Variants in PCSK6 observed in about 807,000 individuals in gnomAD.
The protein encoded by PCSK6 is paired basic amino acid cleaving enzyme 4.
Under a neutral mutation model 123.3 loss-of-function variants are expected in PCSK6, and 85 were observed. That is an observed-to-expected ratio of 0.69 (90% confidence interval 0.58 to 0.83). PCSK6 has a LOEUF of 0.83. PCSK6 is among the 40% of genes least tolerant of loss of function. The pLI, the probability that PCSK6 is intolerant of heterozygous loss-of-function variation, is 0.00. For synonymous variants in PCSK6, 508 were observed against 516.0 expected, an observed-to-expected ratio of 0.98 and a Z score of 0.21; for missense variants, 1,191 against 1,282.3, an observed-to-expected ratio of 0.93 and a Z score of 1.09.
chr15:101,454,757 C>T (rs947813398), intron 1 of PCSK6, among the ~76,000 whole-genome samples: 2 of 152,078 alleles, frequency 1.3e-5, no homozygotes, highest in Admixed American at 1.3e-4. Context: ...CCAGCCTGGC[C>T]AACAGCGTGA....
At chr15:101,457,132 A>G (rs916935927) in intron 1 of PCSK6, among the ~76,000 whole-genome samples, 1 of 152,190 alleles carries the variant, frequency 6.6e-6, no homozygotes, top group South Asian at 2.1e-4. Context: ...AGATCGTGCC[A>G]CCGCACTCCA....
At chr15:101,459,664 C>T (rs1419929903) in intron 1 of PCSK6, among the ~76,000 whole-genome samples, 1 of 150,404 alleles carries the variant, frequency 6.6e-6, no homozygotes, top group East Asian at 2.0e-4. Flanking sequence ...CCTGCCCTGT[C>T]CCCTCCATCC....
At chr15:101,404,123 C>T (rs138778369) in intron 6 of PCSK6, among the ~76,000 whole-genome samples, 3 of 152,322 alleles carry the variant, frequency 2.0e-5, no homozygotes, top group Non-Finnish European at 4.4e-5. Context: ...CTGGTCTTCT[C>T]ACTGTGTTTA....
chr15:101,432,098 C>T lies in PCSK6; in HGVS notation c.405G>A (p.Val135=), dbSNP rs200981616. ...PHTFLRMDPQ[V]KWLQQQEVKR... ...TCACTTCCTGTTGCTGGAGCCATTT[C>T]ACCTACCAGAAGAAATGCAATTACT... Residue 135 remains valine, a splice_region_variant and synonymous_variant, in exon 3 of 22, where the codon GTG becomes GTA. Coordinates refer to ENST00000611716, the MANE Select transcript of PCSK6 (RefSeq NM_002570.5). 5.8e-4 allele frequency: 939 copies of T among 1,612,126 alleles called. No homozygotes were observed. The highest frequency in any genetic ancestry group is 7.2e-4 in the Non-Finnish European group (846 of 1,178,872).
chr15:101,437,660 G>A (rs1378052080), intron 2 of PCSK6, among the ~76,000 whole-genome samples: 1 of 152,192 alleles, frequency 6.6e-6, no homozygotes, highest in African/African-American at 2.4e-5. Context: ...TCGCTCTGCC[G>A]ATGACGGAAA....
In PCSK6 at chr15:101,382,174, C is replaced by T. The variant is rs748040103; in HGVS notation, c.1450G>A (p.Glu484Lys). ...TTCTTTGCCTCCACAACGAGAGCTTCTGCGTCCACCAAACCAAATCCATAG... is the reference window on the plus strand; with the variant it reads ...TTCTTTGCCTCCACAACGAGAGCTTTTGCGTCCACCAAACCAAATCCATAG... ...HFYGFGLVDA[E>K]ALVVEAKKWT... Residue 484 changes from glutamate (E) to lysine (K), a missense_variant, in exon 11 of 22, where the codon GAA becomes AAA. Physicochemically the swap from Glu to Lys is moderately conservative, Grantham distance 56 (BLOSUM62 1). Transcript: ENST00000611716. 6.2e-7 allele frequency: 1 copy of T among 1,612,938 alleles called. No individual in the cohort carries two copies. Among genetic ancestry groups the T allele is most frequent in the South Asian group, 1.1e-5 (1 of 90,630 alleles).
At chr15:101,434,450 A>G (rs2056537828) in intron 2 of PCSK6, among the ~76,000 whole-genome samples, 1 of 152,258 alleles carries the variant, frequency 6.6e-6, no homozygotes, top group South Asian at 2.1e-4. Flanking sequence ...GGGAAAGCGT[A>G]GAGCCAGAAG....
chr15:101,366,417 G>T, intron 12 of PCSK6, 85 bp from the exon 13 acceptor site: 1 of 1,428,992 alleles, frequency 7.0e-7, no homozygotes, highest in Non-Finnish European at 9.5e-7. Flanking sequence ...GGGCTCTCGG[G>T]GGACTGTATG....
intron 13 of PCSK6, among the ~76,000 whole-genome samples, chr15:101,333,536 T>A (rs142130439): frequency 6.6e-6 from 1 of 152,212 alleles, no homozygotes; most frequent in Non-Finnish European, 1.5e-5. Context: ...ACTGCTCTGA[T>A]TCTTTGCTGT....
At chr15:101,363,776 C>T (rs1337675653) in intron 13 of PCSK6, among the ~76,000 whole-genome samples, 1 of 151,522 alleles carries the variant, frequency 6.6e-6, no homozygotes, top group East Asian at 1.9e-4. Context: ...ACTACAGGTG[C>T]CTGCCACCTT....
In PCSK6 at chr15:101,449,321, A is replaced by AT. The variant is rs535327356; in HGVS notation, c.298-5662dup. Among the ~76,000 whole-genome samples the AT allele has an allele frequency of 1.7e-4, 25 of 151,168 alleles. 1 individual carries two copies. The highest frequency in any genetic ancestry group is 7.9e-4 in the Admixed American group (12 of 15,194). On this transcript the variant is annotated intron_variant, in intron 1 of 21. Transcript: ENST00000611716. ...AAAATAGTTTCTACATCCACCATAC[A>AT]TTTTTTTTTCATGTTTTTGACCTGA...
chr15:101,414,926 A>C (rs2055833988), intron 6 of PCSK6, among the ~76,000 whole-genome samples: 1 of 152,256 alleles, frequency 6.6e-6, no homozygotes, highest in Non-Finnish European at 1.5e-5. Flanking sequence ...AACCAACATT[A>C]GAAATAAAGA....
chr15:101,314,465 C>T (rs1395744904), intron 19 of PCSK6, among the ~76,000 whole-genome samples: 1 of 152,192 alleles, frequency 6.6e-6, no homozygotes, highest in African/African-American at 2.4e-5. Flanking sequence ...AGGTAAACCT[C>T]CTCACAGCTG....
At chr15:101,476,605 C>T (rs144756888) in intron 1 of PCSK6, among the ~76,000 whole-genome samples, 313 of 149,836 alleles carry the variant, frequency 2.1e-3, no homozygotes, top group Non-Finnish European at 3.2e-3. Context: ...TGTGTATATG[C>T]GCACGTATCT....
At chr15:101,389,439 T>A (rs767414204) in intron 9 of PCSK6, 25 bp downstream of exon 9, 347 of 1,500,012 alleles carry the variant, frequency 2.3e-4, no homozygotes, top group Non-Finnish European at 2.8e-4. Context: ...TTTTTTTTTT[T>A]AGAAAAAGGT....
intron 6 of PCSK6, among the ~76,000 whole-genome samples, chr15:101,412,864 T>G (rs2055745661): frequency 6.6e-6 from 1 of 151,770 alleles, no homozygotes; most frequent in Non-Finnish European, 1.5e-5. Context: ...GGCTCACACC[T>G]GTAATCCCAG....
At chr15:101,346,214 C>A (rs779294255) in intron 13 of PCSK6, among the ~76,000 whole-genome samples, 1 of 152,130 alleles carries the variant, frequency 6.6e-6, no homozygotes, top group African/African-American at 2.4e-5. Context: ...GGTGAATAAT[C>A]CCAAAGAAAT....
chr15:101,441,069 T>A (rs113721843), intron 2 of PCSK6, among the ~76,000 whole-genome samples: 356 of 152,334 alleles, frequency 2.3e-3, no homozygotes, highest in African/African-American at 8.0e-3. Flanking sequence ...CCTTTCTTCC[T>A]TTCTTCTTTA....
At chr15:101,372,463 T>C (rs760970405) in intron 11 of PCSK6, among the ~76,000 whole-genome samples, 8 of 152,190 alleles carry the variant, frequency 5.3e-5, no homozygotes, top group Non-Finnish European at 1.0e-4. Flanking sequence ...CATAAATTGA[T>C]CTAGAGATGC....
Sources: allele counts gnomAD v4.1 joint callset (sites outside exome capture counted in the v4.1 genomes callset), GRCh38; gene constraint gnomAD v4.1.1; transcripts MANE v1.5; gene names NCBI Gene and HGNC (gene_info 2026-07-23, HGNC 2026-07-21).